Variants in CFI observed in about 807,000 individuals in gnomAD.
The protein encoded by CFI is complement factor I, also known as C3B/C4B inactivator.
Under a neutral mutation model 78.8 loss-of-function variants are expected in CFI, and 66 were observed. That is an observed-to-expected ratio of 0.84 (90% CI 0.69 to 1.03). CFI has a LOEUF of 1.03. CFI is among the 50% of genes least tolerant of loss of function. The pLI, the probability that CFI is intolerant of heterozygous loss-of-function variation, is 0.00. For synonymous variants in CFI, 250 were observed against 232.6 expected, an observed-to-expected ratio of 1.07 and a Z score of -0.68; for missense variants, 706 against 704.5, an observed-to-expected ratio of 1.00 and a Z score of -0.02.
At chr4:109,756,757 G>A (rs1039990276) in intron 7 of CFI, among the ~76,000 whole-genome samples, 4 of 151,678 alleles carry the variant, frequency 2.6e-5, no homozygotes, top group Non-Finnish European at 5.9e-5. Flanking sequence ...CTACTCGGGA[G>A]GTTGAGGCAG....
chr4:109,764,359 G>A (rs1727459873), intron 3 of CFI, 178 bp downstream of exon 3: 1 of 693,402 alleles, frequency 1.4e-6, no homozygotes, highest in East Asian at 2.6e-5. Context: ...TTGTCAGCAG[G>A]GTTCCAAGTG....
chr4:109,774,391 C>T (rs913438334), intron 1 of CFI, among the ~76,000 whole-genome samples: 1 of 149,626 alleles, frequency 6.7e-6, no homozygotes, highest in Non-Finnish European at 1.5e-5. Context: ...GGACTAGGAA[C>T]CTGAAGGTGA....
At chr4:109,739,471 T>A (rs957652247), downstream of CFI, among the ~76,000 whole-genome samples, 1 of 152,012 alleles carries the variant, frequency 6.6e-6, no homozygotes, top group African/African-American at 2.4e-5. Flanking sequence ...AGAAAAGTAC[T>A]ATGCTGAGAT....
the CFI span, among the ~76,000 whole-genome samples, chr4:109,732,850 CTG>C: frequency 5.7e-5 from 6 of 104,482 alleles, no homozygotes; most frequent in African/African-American, 1.1e-4. Flanking sequence ...GAGCAAGACT[CTG>C]TCTCAAAAAA....
chr4:109,788,501 C>G (rs79901820), intron 1 of CFI, among the ~76,000 whole-genome samples: 2 of 151,960 alleles, frequency 1.3e-5, no homozygotes, highest in African/African-American at 4.8e-5. Flanking sequence ...TACATCCTAA[C>G]CATATCTTTC....
intron 3 of CFI, among the ~76,000 whole-genome samples, chr4:109,763,051 TAAG>T (rs1727281856): frequency 1.3e-5 from 2 of 152,276 alleles, no homozygotes; most frequent in East Asian, 3.9e-4. Context: ...AGATGTGGTT[TAAG>T]AAGAAGAAAA....
Position 109,771,112 on chromosome 4 carries a change from C to T in CFI, c.58-4288G>A, listed in dbSNP as rs115432489. On this transcript the variant is annotated intron_variant, in intron 1 of 12. Coordinates refer to ENST00000394634, the MANE Select transcript of CFI (RefSeq NM_000204.5). Reference sequence around the variant, plus strand: ...TCAGTAGGGAAGTAGAAGATTAGGGCCAGGCGCAGTGGCTCATTCCTGTAA... The same window carrying T: ...TCAGTAGGGAAGTAGAAGATTAGGGTCAGGCGCAGTGGCTCATTCCTGTAA... Among the ~76,000 whole-genome samples, 809 of 152,164 alleles carry T rather than the reference C, an allele frequency of 5.3e-3. 7 individuals are homozygous for T. Among genetic ancestry groups the T allele is most frequent in the African/African-American group, 0.019 (775 of 41,512 alleles).
rs527261418 is a variant in CFI, at chr4:109,797,753, G to T, written c.57+4162C>A. Among the ~76,000 whole-genome samples the T allele has an allele frequency of 2.6e-5, 4 of 152,270 alleles. No homozygotes were observed. The South Asian group carries it at 6.2e-4, about 24-fold the overall frequency. The stretch of plus-strand genomic sequence containing the variant: ...TAGTCTACTTTAAAAAGTGGACAAA[G>T]GAGCTGAATAGACATTTCTTCAAAT... On this transcript the variant is annotated intron_variant, in intron 1 of 12. Coordinates refer to ENST00000394634, the MANE Select transcript of CFI (RefSeq NM_000204.5).
chr4:109,783,811 T>TAATATATATATATATATATATATATATA lies in CFI; in HGVS notation c.58-16988_58-16987insTATATATATATATATATATATATATATT, dbSNP rs750346105. On this transcript the variant is annotated intron_variant, in intron 1 of 12. Transcript: ENST00000394634. ...ATTCAATGAGTGGATAAAGAAACTG[T>TAATATATATATATATATATATATATATA]GATATATATATATATATATATATGA... Among the ~76,000 whole-genome samples, 44 of 105,818 alleles carry TAATATATATATATATATATATATATATA rather than the reference T, an allele frequency of 4.2e-4. 1 individual carries two copies. The highest frequency in any genetic ancestry group is 1.1e-3 in the African/African-American group (30 of 26,546). The allele number at this position is 105,818 out of a possible 152,430, so 69.4% of individuals were successfully genotyped here.
At chr4:109,757,861 T>C (rs1413804821) in intron 6 of CFI, 78 bp from the exon 7 acceptor site, 6 of 1,288,726 alleles carry the variant, frequency 4.7e-6, no homozygotes, top group Non-Finnish European at 6.5e-6. Context: ...ATACTATACA[T>C]ATATCATGAA....
At chr4:109,761,373 G>T in intron 4 of CFI, 144 bp downstream of exon 4, 1 of 815,744 alleles carries the variant, frequency 1.2e-6, no homozygotes, top group Non-Finnish European at 2.1e-6. Context: ...TACCAATTTA[G>T]ACTCTAAAGC....
At chr4:109,749,108 A>T in intron 10 of CFI, 110 bp downstream of exon 10, 1 of 953,944 alleles carries the variant, frequency 1.0e-6, no homozygotes, top group Non-Finnish European at 1.7e-6. Context: ...CAATTAATAT[A>T]GTGGAGTTTG....
chr4:109,789,959 G>A (rs1293543765), intron 1 of CFI, among the ~76,000 whole-genome samples: 1 of 151,810 alleles, frequency 6.6e-6, no homozygotes, highest in African/African-American at 2.4e-5. Context: ...TTCTTTTTTG[G>A]GAAATTTTAA....
chr4:109,746,458 T>C lies in CFI; in HGVS notation c.1193A>G (p.Asp398Gly), dbSNP rs746051890. The stretch of plus-strand genomic sequence containing the variant: ...ACGTTTAAGGTCGGGGTGTATCCAG[T>C]CTACTACTGTTGTCCATATTTGGTA... ...HRYQIWTTVV[D>G]WIHPDLKRIV... The change falls in exon 11 of 13, where the codon GAC becomes GGC. Residue 398 changes from aspartate to glycine, a missense_variant. Physicochemically the swap from Asp to Gly is moderately conservative, Grantham distance 94. Transcript: ENST00000394634. 2 of 1,613,592 alleles carry C rather than the reference T, an allele frequency of 1.2e-6. No homozygotes were observed. The highest frequency in any genetic ancestry group is 3.3e-5 in the Admixed American group (2 of 59,946).
In CFI at chr4:109,752,158, C is replaced by T. The variant is rs117330043; in HGVS notation, c.940+310G>A. On this transcript the variant is annotated intron_variant, in intron 8 of 12. Coordinates refer to ENST00000394634, the MANE Select transcript of CFI (RefSeq NM_000204.5). ...TGTCATGAGTCATGCTTGAGAGCTG[C>T]TTGTTTTTTCACAAAACTGACCTGA... 9.4e-3 allele frequency among the ~76,000 whole-genome samples: 1,431 copies of T among 152,160 alleles called. 64 individuals carry two copies. In the East Asian group the frequency reaches 0.13, roughly 13 times the overall value.
intron 1 of CFI, among the ~76,000 whole-genome samples, chr4:109,774,323 G>A (rs1187395731): frequency 1.3e-5 from 2 of 152,156 alleles, no homozygotes; most frequent in Non-Finnish European, 2.9e-5. Context: ...GGAGAGTGAG[G>A]GGAGAATTGC....
intron 1 of CFI, among the ~76,000 whole-genome samples, chr4:109,767,636 G>A (rs892204459): frequency 6.7e-6 from 1 of 150,184 alleles, no homozygotes; most frequent in Admixed American, 6.7e-5. Context: ...GAAATAACAG[G>A]TGCTGGAGAG....
At chr4:109,735,418 T>A in the CFI span, among the ~76,000 whole-genome samples, 1 of 152,266 alleles carries the variant, frequency 6.6e-6, no homozygotes, top group Non-Finnish European at 1.5e-5. Flanking sequence ...TTGTGGGGTT[T>A]AACGTACCAC....
intron 1 of CFI, among the ~76,000 whole-genome samples, chr4:109,798,339 AAAT>A (rs1261017865): frequency 2.0e-5 from 3 of 152,228 alleles, no homozygotes; most frequent in Non-Finnish European, 2.9e-5. Context: ...TGCACACACA[AAAT>A]AATAAATAAA....
Sources: gnomAD v4.1 joint callset for allele counts (sites outside exome capture counted in the v4.1 genomes callset) on GRCh38, gnomAD v4.1.1 for gene constraint, MANE v1.5 for transcripts, NCBI Gene and HGNC (gene_info 2026-07-23, HGNC 2026-07-21) for gene names.